Variants in RUNX2 observed in about 807,000 individuals in gnomAD.
RUNX2 encodes runt-related transcription factor 2.
A neutral mutation model predicts 51.7 loss-of-function variants in RUNX2; 10 were observed. That is an observed-to-expected ratio of 0.19 (90% CI 0.12 to 0.33). RUNX2 has a LOEUF of 0.33. Ranked by LOEUF, RUNX2 falls within the 10% of genes least tolerant of loss-of-function variation. The probability of loss-of-function intolerance (pLI) is 1.00; values close to 1 mark genes in which losing one functional copy is unlikely to be tolerated. For synonymous variants in RUNX2, 276 were observed against 273.6 expected, an observed-to-expected ratio of 1.01 and a Z score of -0.09; for missense variants, 562 against 691.3, an observed-to-expected ratio of 0.81 and a Z score of 2.10.
intron 5 of RUNX2, among the ~76,000 whole-genome samples, chr6:45,489,153 C>T (rs1800379011): frequency 6.6e-6 from 1 of 152,104 alleles, no homozygotes; most frequent in Non-Finnish European, 1.5e-5. Flanking sequence ...GGGCAGATAT[C>T]TACAAAGAAA....
rs1802481940 is a variant in RUNX2, at chr6:45,548,885, G to A, written c.*1580G>A. 1 of 350,424 alleles carries A rather than the reference G, an allele frequency of 2.9e-6. No individual in the cohort carries two copies. The highest frequency in any genetic ancestry group is 5.1e-6 in the Non-Finnish European group (1 of 195,734). The allele number at this position is 350,424 out of a possible 1,614,324, so 21.7% of individuals were successfully genotyped here. On this transcript the variant is annotated 3_prime_UTR_variant, in exon 9 of 9. Transcript: ENST00000647337. ...CTTTCCACAGAATTTGCATTTAGAG[G>A]AGCAGAATGACATCACTGTCCTTTG...
chr6:45,525,852 G>T (rs570672013), intron 7 of RUNX2, among the ~76,000 whole-genome samples: 6 of 152,040 alleles, frequency 3.9e-5, no homozygotes, highest in African/African-American at 1.4e-4. Flanking sequence ...AAAATTAGCT[G>T]GGGGTGGTGC....
At chr6:45,333,741 A>G (rs1787982920) in intron 2 of RUNX2, among the ~76,000 whole-genome samples, 1 of 151,432 alleles carries the variant, frequency 6.6e-6, no homozygotes, top group Admixed American at 6.6e-5. Flanking sequence ...TAGTTGCTAC[A>G]TAAGTACTTA....
At position 45,424,941 on chromosome 6, in the gene RUNX2, C is replaced by A. The variant is rs562877256; in HGVS notation, c.423+1984C>A. Reference sequence around the variant, plus strand: ...ATGTGAATTGTATAAATTTAAATTTCCATACAATATATATCTTTTACAATG... The same window carrying A: ...ATGTGAATTGTATAAATTTAAATTTACATACAATATATATCTTTTACAATG... On this transcript the variant is annotated intron_variant, in intron 3 of 8. Transcript: ENST00000647337. Among the ~76,000 whole-genome samples the A allele has an allele frequency of 2.4e-3, 370 of 152,142 alleles. 1 individual carries two copies. The highest frequency in any genetic ancestry group is 4.4e-3 in the Non-Finnish European group (296 of 68,008).
At position 45,422,729 on chromosome 6, in the gene RUNX2, A is replaced by G. The variant is rs575896136; in HGVS notation, c.195A>G (p.Gln65=). ...AGCAACAGCAGCAGCAGCAGCAGCAACAGCAGCAGCAGCAGCAGGAGGCGG... is the reference window on the plus strand; with the variant it reads ...AGCAACAGCAGCAGCAGCAGCAGCAGCAGCAGCAGCAGCAGCAGGAGGCGG... The part of the protein sequence containing the change: ...QQQQQQQQQQ[Q]QQQQQQEAAA... Residue 65 remains glutamine (Q), a synonymous_variant, in exon 3 of 9, where the codon CAA becomes CAG. Coordinates refer to ENST00000647337, the MANE Select transcript of RUNX2 (RefSeq NM_001024630.4). The G allele has an allele frequency of 1.8e-5, 28 of 1,557,476 alleles. No individual in the cohort carries two copies. The highest frequency in any genetic ancestry group is 4.2e-5 in the African/African-American group (3 of 71,176).
At chr6:45,545,336 C>T in intron 8 of RUNX2, 54 bp downstream of exon 8, 1 of 1,519,440 alleles carries the variant, frequency 6.6e-7, no homozygotes, top group South Asian at 1.2e-5. Context: ...GCTGGGCTGT[C>T]TGGTTGTTAC....
chr6:45,481,425 A>T (rs74473779), intron 5 of RUNX2, among the ~76,000 whole-genome samples: 1,615 of 152,374 alleles, frequency 0.011, 36 homozygotes, highest in African/African-American at 0.037. Flanking sequence ...GAACTGTGGT[A>T]TGTGTGAACA....
At position 45,374,342 on chromosome 6, in the gene RUNX2, CAT is replaced by C. The variant is rs548398817; in HGVS notation, c.58+45559_58+45560del. Among the ~76,000 whole-genome samples the C allele has an allele frequency of 2.8e-3, 426 of 152,302 alleles. 1 individual carries two copies. Among genetic ancestry groups the C allele is most frequent in the African/African-American group, 8.0e-3 (332 of 41,568 alleles). On this transcript the variant is annotated intron_variant, in intron 2 of 8. Transcript: ENST00000647337. ...TTACTGAACTGCACACAACCCATCA[CAT>C]GAGTTATTTAAATTAACCTCTTATG...
rs1802504443 is a variant in RUNX2, at chr6:45,549,604, G to A, written c.*2299G>A. Reference sequence around the variant, plus strand: ...CCATTTATTTGTAAGTGTAAAATATGTGTGTTTGTTTCAGCAGCACTTAAA... The same window carrying A: ...CCATTTATTTGTAAGTGTAAAATATATGTGTTTGTTTCAGCAGCACTTAAA... On this transcript the variant is annotated 3_prime_UTR_variant, in exon 9 of 9. Transcript: ENST00000647337. The A allele has an allele frequency of 5.2e-6, 2 of 382,150 alleles. No homozygotes were observed. Among genetic ancestry groups the A allele is most frequent in the Middle Eastern group, 6.7e-4 (1 of 1,488 alleles). 23.7% of individuals were successfully genotyped at this position (382,150 alleles called of 1,614,324 possible). A position where few individuals can be genotyped will look rare whatever the true frequency, so the allele number is the denominator to read the frequency against.
Position 45,432,075 on chromosome 6 carries a change from T to TA in RUNX2, c.580+56_580+57insA, listed in dbSNP as rs1798557509. 2.0e-6 allele frequency: 3 copies of TA among 1,526,852 alleles called. No individual in the cohort carries two copies. In the African/African-American group the frequency reaches 4.1e-5, roughly 21 times the overall value. 94.6% of individuals were successfully genotyped at this position (1,526,852 alleles called of 1,614,324 possible). On this transcript the variant is annotated intron_variant, in intron 4 of 8. Coordinates refer to ENST00000647337, the MANE Select transcript of RUNX2 (RefSeq NM_001024630.4). ...GAATAAGCACATTAGGCTCCTTTGA[T>TA]GAAATGTAGACTAGTCTGTATACAA... is the stretch of plus-strand genomic sequence containing the variant.
At chr6:45,428,784 A>G (rs1798454247) in intron 3 of RUNX2, among the ~76,000 whole-genome samples, 2 of 151,404 alleles carry the variant, frequency 1.3e-5, no homozygotes, top group South Asian at 4.2e-4. Flanking sequence ...AAAAATATGC[A>G]GTAAAATAAT....
At chr6:45,359,664 G>T (rs6458441) in intron 2 of RUNX2, among the ~76,000 whole-genome samples, 90,853 of 151,996 alleles carry the variant, frequency 0.6, 27,574 homozygotes, top group African/African-American at 0.66. Flanking sequence ...CTATGAAAAA[G>T]TATACTTTCT....
chr6:45,373,964 T>C (rs1486091020), intron 2 of RUNX2, among the ~76,000 whole-genome samples: 4 of 152,198 alleles, frequency 2.6e-5, no homozygotes, highest in African/African-American at 7.2e-5. Flanking sequence ...AGGTCACTCT[T>C]TAGTGGAGGC....
At position 45,456,182 on chromosome 6, in the gene RUNX2, A is replaced by G. The variant is rs116147910; in HGVS notation, c.685+18131A>G. 6.6e-3 allele frequency among the ~76,000 whole-genome samples: 1,002 copies of G among 152,336 alleles called. 8 individuals carry two copies. Among genetic ancestry groups the G allele is most frequent in the African/African-American group, 0.022 (906 of 41,584 alleles). On this transcript the variant is annotated intron_variant, in intron 5 of 8. Coordinates refer to ENST00000647337, the MANE Select transcript of RUNX2 (RefSeq NM_001024630.4). ...AGATAATCTCAGTTAATATTTTGAC[A>G]TAATTCCTTTTACTACTTTTTCCTA...
intron 5 of RUNX2, among the ~76,000 whole-genome samples, chr6:45,473,126 C>T (rs1183187456): frequency 2.6e-5 from 4 of 152,196 alleles, no homozygotes; most frequent in African/African-American, 9.7e-5. Flanking sequence ...TTTATTTATA[C>T]AGCATTTGTG....
intron 2 of RUNX2, among the ~76,000 whole-genome samples, chr6:45,404,903 T>C (rs893108693): frequency 1.3e-5 from 2 of 152,268 alleles, no homozygotes; most frequent in African/African-American, 4.8e-5. Context: ...TATTTCAAAA[T>C]GTCATCTGAT....
Position 45,549,245 on chromosome 6 carries a change from C to T in RUNX2, c.*1940C>T. 1 of 398,508 alleles carries T rather than the reference C, an allele frequency of 2.5e-6. No individual in the cohort carries two copies. Among genetic ancestry groups the T allele is most frequent in the East Asian group, 3.6e-5 (1 of 28,050 alleles). The allele number at this position is 398,508 out of a possible 1,614,324, so 24.7% of individuals were successfully genotyped here. A position where few individuals can be genotyped will look rare whatever the true frequency, so the allele number is the denominator to read the frequency against. On this transcript the variant is annotated 3_prime_UTR_variant, in exon 9 of 9. Transcript: ENST00000647337. ...GGGTCCCTTCATTGGAATCCTCCAC[C>T]CACCCAAGCAGAATTTAGCAGAGAT... is the stretch of plus-strand genomic sequence containing the variant.
chr6:45,447,346 T>C (rs1389032109), intron 5 of RUNX2, among the ~76,000 whole-genome samples: 4 of 152,226 alleles, frequency 2.6e-5, no homozygotes, highest in Non-Finnish European at 4.4e-5. Context: ...GATTTTGTTA[T>C]TGAAAGGTGA....
chr6:45,376,341 G>A (rs1166549785), intron 2 of RUNX2, among the ~76,000 whole-genome samples: 1 of 152,218 alleles, frequency 6.6e-6, no homozygotes, highest in Non-Finnish European at 1.5e-5. Context: ...TCAAGACTCG[G>A]AAGGACTCTC....
Sources: gnomAD v4.1 joint callset for allele counts (sites outside exome capture counted in the v4.1 genomes callset) on GRCh38, gnomAD v4.1.1 for gene constraint, MANE v1.5 for transcripts, NCBI Gene and HGNC (gene_info 2026-07-23, HGNC 2026-07-21) for gene names.